ZNF385D: variants seen among roughly 807,000 people sequenced by gnomAD.
The protein encoded by ZNF385D is zinc finger protein 385D, also known as zinc finger protein 659.
ZNF385D carries 15 observed loss-of-function variants against 35.8 expected under a neutral mutation model. The ratio of observed to expected loss-of-function variants is 0.42; its 90% CI spans 0.28 to 0.64. The LOEUF (loss-of-function observed/expected upper bound fraction) is 0.64. Ranked by LOEUF, ZNF385D falls within the 30% of genes least tolerant of loss-of-function variation. ZNF385D has a pLI of 0.23. For synonymous variants in ZNF385D, 212 were observed against 186.8 expected (o/e 1.13, Z -1.10); for missense variants, 474 against 494.6 (o/e 0.96, Z 0.39).
At chr3:22,207,656 CAACAG>C (rs1697243904) in intron 2 of ZNF385D, among the ~76,000 whole-genome samples, 1 of 151,840 alleles carries the variant, frequency 6.6e-6, no homozygotes, top group South Asian at 2.1e-4. Context: ...AAGAGACAAT[CAACAG>C]AACAGGAGAC....
Position 21,543,681 on chromosome 3 carries a change from C to T in ZNF385D, c.276+20893G>A, listed in dbSNP as rs533485404. On this transcript the variant is annotated intron_variant, in intron 3 of 7. Coordinates refer to ENST00000281523, the MANE Select transcript of ZNF385D (RefSeq NM_024697.3). ...AGGTTCTTCCCCAGGCATTCTTAAA[C>T]TGTTGATTTTCTTTCCCCTTCTGTG... 1.2e-4 allele frequency among the ~76,000 whole-genome samples: 19 copies of T among 152,286 alleles called. No homozygotes were observed. In the South Asian group the frequency reaches 3.9e-3, roughly 32 times the overall value.
intron 3 of ZNF385D, among the ~76,000 whole-genome samples, chr3:21,906,707 C>T (rs570691087): frequency 1.3e-5 from 2 of 152,266 alleles, no homozygotes; most frequent in South Asian, 2.1e-4. Context: ...ACAATTCTTT[C>T]CAGGTGTTTG....
chr3:22,176,958 A>C (rs1417316384), intron 2 of ZNF385D, among the ~76,000 whole-genome samples: 1 of 152,216 alleles, frequency 6.6e-6, no homozygotes, highest in South Asian at 2.1e-4. Flanking sequence ...CAAAGTTTCA[A>C]AGACCAATGA....
intron 3 of ZNF385D, among the ~76,000 whole-genome samples, chr3:21,881,667 A>G (rs1349164916): frequency 6.6e-6 from 1 of 151,980 alleles, no homozygotes; most frequent in African/African-American, 2.4e-5. Context: ...TTTAAGAAAA[A>G]CATTTCACAA....
intron 3 of ZNF385D, among the ~76,000 whole-genome samples, chr3:21,940,224 G>A (rs1383075): frequency 0.23 from 34,432 of 151,882 alleles, 4,308 homozygotes; most frequent in East Asian, 0.32. Flanking sequence ...AATTTTAAGT[G>A]TAACGTATCA....
intron 4 of ZNF385D, 67 bp downstream of exon 4, chr3:21,510,794 G>C: frequency 6.3e-7 from 1 of 1,592,406 alleles, no homozygotes; most frequent in Admixed American, 1.7e-5. Flanking sequence ...CAGACATGGG[G>C]CTAGACAAGG....
At chr3:21,831,367 G>A (rs1027875575) in intron 3 of ZNF385D, among the ~76,000 whole-genome samples, 2 of 152,088 alleles carry the variant, frequency 1.3e-5, no homozygotes, top group African/African-American at 4.8e-5. Flanking sequence ...AACATAGTAG[G>A]TAATCAAAAG....
intron 2 of ZNF385D, among the ~76,000 whole-genome samples, chr3:21,635,986 TTTTTGCAATTGCAAA>T (rs1185605466): frequency 6.6e-6 from 1 of 152,148 alleles, no homozygotes; most frequent in Non-Finnish European, 1.5e-5. Context: ...TGGTTCCATA[TTTTTGCAATTGCAAA>T]TTGTGCTGCT....
chr3:21,863,669 T>C (rs567695115), intron 3 of ZNF385D, among the ~76,000 whole-genome samples: 4 of 152,230 alleles, frequency 2.6e-5, no homozygotes, highest in Admixed American at 1.3e-4. Context: ...AAGAAAGTTA[T>C]TCTGCAGTGA....
chr3:21,423,268 T>A (rs537251786), intron 7 of ZNF385D, among the ~76,000 whole-genome samples: 2 of 152,324 alleles, frequency 1.3e-5, no homozygotes, highest in South Asian at 4.1e-4. Context: ...TTTTCATGTG[T>A]CAGCAGCACA....
chr3:21,982,455 G>A (rs1020526444), intron 3 of ZNF385D, among the ~76,000 whole-genome samples: 1 of 152,138 alleles, frequency 6.6e-6, no homozygotes, highest in African/African-American at 2.4e-5. Context: ...CTTTGCTGAA[G>A]TTGTTTATCA....
At chr3:21,502,149 T>C (rs1215738347) in intron 4 of ZNF385D, among the ~76,000 whole-genome samples, 1 of 152,166 alleles carries the variant, frequency 6.6e-6, no homozygotes, top group East Asian at 1.9e-4. Flanking sequence ...TGTCTAGGGA[T>C]AGATCTTCCA....
chr3:21,514,523 G>A (rs1242549301), intron 3 of ZNF385D, among the ~76,000 whole-genome samples: 3 of 152,122 alleles, frequency 2.0e-5, no homozygotes, highest in Non-Finnish European at 2.9e-5. Flanking sequence ...TGTGTAAACA[G>A]ACTGTTACTT....
intron 2 of ZNF385D, among the ~76,000 whole-genome samples, chr3:22,359,316 T>C (rs1559540328): frequency 6.6e-6 from 1 of 151,822 alleles, no homozygotes; most frequent in South Asian, 2.1e-4. Context: ...TAGAATCCAG[T>C]ATCACCTAAA....
chr3:22,079,120 T>G (rs1700612782), intron 3 of ZNF385D, among the ~76,000 whole-genome samples: 1 of 151,942 alleles, frequency 6.6e-6, no homozygotes, highest in Non-Finnish European at 1.5e-5. Flanking sequence ...ATAAACAGAA[T>G]GAGTATAAGT....
chr3:22,059,639 T>A (rs569323556), intron 3 of ZNF385D, among the ~76,000 whole-genome samples: 3 of 152,194 alleles, frequency 2.0e-5, no homozygotes, highest in Non-Finnish European at 4.4e-5. Flanking sequence ...GGAATGCCTT[T>A]GAGTTCTCCA....
intron 3 of ZNF385D, among the ~76,000 whole-genome samples, chr3:21,989,121 G>A (rs1032780574): frequency 2.4e-4 from 36 of 152,116 alleles, no homozygotes; most frequent in Non-Finnish European, 4.3e-4. Flanking sequence ...CTTCTGCGTC[G>A]CTCACGCTGG....
chr3:22,118,546 A>G (rs1489912917), intron 3 of ZNF385D, among the ~76,000 whole-genome samples: 1 of 152,096 alleles, frequency 6.6e-6, no homozygotes, highest in Non-Finnish European at 1.5e-5. Context: ...GCCCACATGT[A>G]AATTACACCA....
chr3:21,790,962 C>T (rs4858020), intron 3 of ZNF385D, among the ~76,000 whole-genome samples: 11,429 of 151,918 alleles, frequency 0.075, 582 homozygotes, highest in South Asian at 0.13. Flanking sequence ...GGTAAGGAAA[C>T]AAAAAAACAG....
Sources: gnomAD v4.1 joint callset for allele counts (sites outside exome capture counted in the v4.1 genomes callset) on GRCh38, gnomAD v4.1.1 for gene constraint, MANE v1.5 for transcripts, NCBI Gene and HGNC (gene_info 2026-07-23, HGNC 2026-07-21) for gene names.